Variants in POT1 observed in about 807,000 individuals in gnomAD.
The protein encoded by POT1 is protection of telomeres protein 1.
In POT1, 47 loss-of-function variants were observed where a neutral mutation model predicts 78.5. The observed-to-expected ratio is 0.60, with a 90% CI of 0.47 to 0.76. The LOEUF (loss-of-function observed/expected upper bound fraction) is 0.76. Among genes scored for constraint, POT1 ranks in the 30% least tolerant of loss-of-function variants. The probability of loss-of-function intolerance (pLI) is 0.00; values close to 1 mark genes in which losing one functional copy is unlikely to be tolerated. For missense variants in POT1, 646 were observed against 749.9 expected (o/e 0.86, Z 1.62); for synonymous variants, 259 against 260.7 (o/e 0.99, Z 0.06).
intron 9 of POT1, among the ~76,000 whole-genome samples, chr7:124,855,795 C>T (rs1186146933): frequency 6.6e-6 from 1 of 151,762 alleles, no homozygotes; most frequent in Non-Finnish European, 1.5e-5. Context: ...ATTTTTAATT[C>T]CCTGAATATG....
chr7:124,824,426 T>C (rs537305224), intron 18 of POT1, among the ~76,000 whole-genome samples: 1 of 151,990 alleles, frequency 6.6e-6, no homozygotes, highest in Non-Finnish European at 1.5e-5. Flanking sequence ...CTTCTAGAAA[T>C]CTATCCAAAA....
rs1300131052 is a variant in POT1 at position 124,898,368 on chromosome 7, T to C, written c.-147A>G. On this transcript the variant is annotated 5_prime_UTR_variant, in exon 4 of 19. Coordinates refer to ENST00000357628, the MANE Select transcript of POT1 (RefSeq NM_015450.3). ...AAAACAATAAATCTAGCCACTGCAA[T>C]GGTGTCCTACATAGAAAAAAAAAAG... is the stretch of plus-strand genomic sequence containing the variant. 1 of 151,598 alleles carries C rather than the reference T, an allele frequency of 6.6e-6. No individual in the cohort carries two copies. Among genetic ancestry groups the C allele is most frequent in the Non-Finnish European group, 1.5e-5 (1 of 67,868 alleles). 9.4% of individuals were successfully genotyped at this position (151,598 alleles called of 1,614,324 possible).
intron 4 of POT1, 51 bp from the exon 5 acceptor site, chr7:124,897,263 G>T: frequency 1.4e-6 from 1 of 715,304 alleles, no homozygotes; most frequent in Non-Finnish European, 2.2e-6. Flanking sequence ...CCTCCAATGT[G>T]ATTACATGCT....
chr7:124,906,244 G>C (rs1339500404), intron 3 of POT1, among the ~76,000 whole-genome samples: 1 of 152,058 alleles, frequency 6.6e-6, no homozygotes, highest in Non-Finnish European at 1.5e-5. Context: ...TAACCCAAAT[G>C]TCCAACAATG....
At chr7:124,910,890 T>C (rs550412727) in intron 3 of POT1, among the ~76,000 whole-genome samples, 2 of 152,082 alleles carry the variant, frequency 1.3e-5, no homozygotes, top group African/African-American at 4.8e-5. Context: ...AACACATTGA[T>C]ACACTCAAAT....
intron 3 of POT1, among the ~76,000 whole-genome samples, chr7:124,901,075 G>A (rs561596970): frequency 2.8e-4 from 42 of 152,296 alleles, no homozygotes; most frequent in African/African-American, 1.0e-3. Flanking sequence ...CTGGGGGCAG[G>A]GCATAGCTGA....
intron 6 of POT1, among the ~76,000 whole-genome samples, chr7:124,885,042 A>C (rs1294480479): frequency 6.6e-6 from 1 of 152,166 alleles, no homozygotes; most frequent in African/African-American, 2.4e-5. Flanking sequence ...CCAAAGCAAA[A>C]GTATAGGTAA....
At chr7:124,825,779 C>T (rs1365449719) in intron 17 of POT1, among the ~76,000 whole-genome samples, 1 of 152,250 alleles carries the variant, frequency 6.6e-6, no homozygotes, top group African/African-American at 2.4e-5. Flanking sequence ...TTACTTTGTT[C>T]ACCGCTGTGT....
At chr7:124,928,037 T>C (rs1195216955) in intron 2 of POT1, among the ~76,000 whole-genome samples, 1 of 152,170 alleles carries the variant, frequency 6.6e-6, no homozygotes, top group Non-Finnish European at 1.5e-5. Flanking sequence ...ACCTATGTCA[T>C]AGGTCTTTGT....
intron 3 of POT1, among the ~76,000 whole-genome samples, chr7:124,909,522 G>A (rs1261136611): frequency 6.6e-6 from 1 of 151,832 alleles, no homozygotes; most frequent in East Asian, 1.9e-4. Context: ...TGGTATATTA[G>A]ACCCTCAAAT....
At chr7:124,918,507 C>T (rs189831032) in intron 2 of POT1, among the ~76,000 whole-genome samples, 11 of 152,158 alleles carry the variant, frequency 7.2e-5, no homozygotes, top group African/African-American at 1.4e-4. Flanking sequence ...CTTCAGTAAA[C>T]GACCTTTTTG....
At chr7:124,832,690 T>G (rs960787278) in intron 15 of POT1, among the ~76,000 whole-genome samples, 1 of 151,908 alleles carries the variant, frequency 6.6e-6, no homozygotes, top group Admixed American at 6.6e-5. Flanking sequence ...TAGTGGTGCA[T>G]GCCTGTAGTC....
chr7:124,898,302 T>C lies in POT1; in HGVS notation c.-81A>G, dbSNP rs1465201446. ...AGGTCTTCAAATGCTTTCAAAAATA[T>C]GCAAGGTTTACCATCTCTGCTTGTA... On this transcript the variant is annotated 5_prime_UTR_variant, in exon 4 of 19. Transcript: ENST00000357628. 1 of 151,618 alleles carries C rather than the reference T, an allele frequency of 6.6e-6. No individual in the cohort carries two copies. The highest frequency in any genetic ancestry group is 2.4e-5 in the African/African-American group (1 of 41,318). The allele number at this position is 151,618 out of a possible 1,614,324, so 9.4% of individuals were successfully genotyped here.
intron 10 of POT1, 94 bp downstream of exon 10, chr7:124,852,878 G>A (rs1485414571): frequency 1.8e-6 from 2 of 1,121,646 alleles, no homozygotes; most frequent in South Asian, 1.7e-5. Flanking sequence ...GGCACAAAAG[G>A]CTAGGGAACT....
In POT1 at chr7:124,874,600, T is replaced by C. The variant is rs117712697; in HGVS notation, c.125-3559A>G. Among the ~76,000 whole-genome samples, 57 of 151,892 alleles carry C rather than the reference T, an allele frequency of 3.8e-4. No homozygotes were observed. In the East Asian group the frequency reaches 9.2e-3, roughly 24 times the overall value. On this transcript the variant is annotated intron_variant, in intron 6 of 18. Transcript: ENST00000357628. ...ATGACAAAAATTAGCTGGGTGGTAG[T>C]GGTGCTCTCCTGTAATCCCAGCTAC...
chr7:124,823,882 C>A lies in POT1; in HGVS notation c.*80G>T. 3.4e-6 allele frequency: 3 copies of A among 882,024 alleles called. No individual in the cohort carries two copies. Among genetic ancestry groups the A allele is most frequent in the Non-Finnish European group, 5.6e-6 (3 of 539,406 alleles). The allele number at this position is 882,024 out of a possible 1,614,324, so 54.6% of individuals were successfully genotyped here. On this transcript the variant is annotated 3_prime_UTR_variant, in exon 19 of 19. Coordinates refer to ENST00000357628, the MANE Select transcript of POT1 (RefSeq NM_015450.3). Reference sequence around the variant, plus strand: ...GCTAACATCATCAACATTGCTGATACAAAACTCAGGTCAGGAAAAGAAGCT... The same window carrying A: ...GCTAACATCATCAACATTGCTGATAAAAAACTCAGGTCAGGAAAAGAAGCT...
intron 6 of POT1, among the ~76,000 whole-genome samples, chr7:124,888,564 A>C (rs1244490561): frequency 6.6e-6 from 1 of 152,034 alleles, no homozygotes; most frequent in Non-Finnish European, 1.5e-5. Flanking sequence ...TGACCATGTT[A>C]ATAAAGGCAT....
chr7:124,895,935 T>C (rs989220315), intron 5 of POT1, among the ~76,000 whole-genome samples: 1 of 151,688 alleles, frequency 6.6e-6, no homozygotes, highest in Non-Finnish European at 1.5e-5. Context: ...TTTTAAATCC[T>C]GAAGACAATA....
chr7:124,923,295 G>C (rs1482327352), intron 2 of POT1, among the ~76,000 whole-genome samples: 4 of 151,774 alleles, frequency 2.6e-5, no homozygotes, highest in Non-Finnish European at 5.9e-5. Context: ...GTTTATGAAT[G>C]AGAGATTTAC....
Sources: gnomAD v4.1 joint callset for allele counts (sites outside exome capture counted in the v4.1 genomes callset) on GRCh38, gnomAD v4.1.1 for gene constraint, MANE v1.5 for transcripts, NCBI Gene and HGNC (gene_info 2026-07-23, HGNC 2026-07-21) for gene names.